The following PRKAA2 variants were observed in gnomAD, a reference collection of about 807,000 sequenced individuals.
PRKAA2 encodes protein kinase AMP-activated catalytic subunit alpha 2, also known as 5'-AMP-activated protein kinase catalytic subunit alpha-2.
A neutral mutation model predicts 56.3 loss-of-function variants in PRKAA2; 40 were observed. The observed-to-expected ratio is 0.71, with a 90% CI of 0.55 to 0.92. The LOEUF (loss-of-function observed/expected upper bound fraction) is 0.92, where lower values mean the gene tolerates loss of function less well. Ranked by LOEUF, PRKAA2 falls within the 40% of genes least tolerant of loss-of-function variation. The probability of loss-of-function intolerance (pLI) is 0.00; values close to 1 mark genes in which losing one functional copy is unlikely to be tolerated. For missense variants in PRKAA2, 542 were observed against 686.9 expected, an observed-to-expected ratio of 0.79 and a Z score of 2.36; for synonymous variants, 214 against 234.2, an observed-to-expected ratio of 0.91 and a Z score of 0.79.
intron 6 of PRKAA2, among the ~76,000 whole-genome samples, 193 bp from the exon 7 acceptor site, chr1:56,703,778 C>A (rs1267522310): frequency 6.6e-6 from 1 of 152,138 alleles, no homozygotes; most frequent in Non-Finnish European, 1.5e-5. Context: ...TGTCCAAATG[C>A]CAAGTCTTAA....
chr1:56,675,345 ATT>A (rs11358468), intron 2 of PRKAA2, among the ~76,000 whole-genome samples: 2 of 150,852 alleles, frequency 1.3e-5, no homozygotes, highest in South Asian at 2.1e-4. Context: ...TGTACCAAGC[ATT>A]TTTTTTTTGT....
intron 6 of PRKAA2, among the ~76,000 whole-genome samples, chr1:56,700,640 T>C (rs1644287823): frequency 6.6e-6 from 1 of 152,220 alleles, no homozygotes; most frequent in African/African-American, 2.4e-5. Context: ...TTTTTGTTTT[T>C]TCTTTTTTAA....
chr1:56,705,966 A>G, intron 7 of PRKAA2, 126 bp from the exon 8 acceptor site: 1 of 748,222 alleles, frequency 1.3e-6, no homozygotes, highest in Non-Finnish European at 2.1e-6. Flanking sequence ...GTGAACTACC[A>G]GTAATATAAA....
At position 56,692,477 on chromosome 1, in the gene PRKAA2, C is replaced by T. The variant is rs17848596; in HGVS notation, c.450C>T (p.His150=). 0.03 allele frequency: 48,111 copies of T among 1,613,834 alleles called. 1,635 individuals are homozygous for T. Among genetic ancestry groups the T allele is most frequent in the African/African-American group, 0.12 (8,936 of 74,944 alleles). ...CAGAGAATGTCCTGTTGGATGCACA[C>T]ATGAATGCCAAGATAGCCGATTTCG... The part of the protein sequence containing the change: ...LKPENVLLDA[H]MNAKIADFGL... Residue 150 remains histidine (H), a synonymous_variant, in exon 4 of 9, where the codon CAC becomes CAT. Coordinates refer to ENST00000371244, the MANE Select transcript of PRKAA2 (RefSeq NM_006252.4).
Position 56,702,241 on chromosome 1 carries a change from G to A in PRKAA2, c.789-1730G>A, listed in dbSNP as rs182708933. Among the ~76,000 whole-genome samples, 9 of 152,112 alleles carry A rather than the reference G, an allele frequency of 5.9e-5. No homozygotes were observed. The East Asian group carries it at 1.4e-3, about 23-fold the overall frequency. On this transcript the variant is annotated intron_variant, in intron 6 of 8. Transcript: ENST00000371244. ...TGGGATTATAGGCATGTGCCACCAC[G>A]CCCGGCTAATTTTGTATTTTTAGTA...
chr1:56,645,919 G>A (rs1042504429), intron 1 of PRKAA2, among the ~76,000 whole-genome samples: 5 of 152,174 alleles, frequency 3.3e-5, no homozygotes, highest in African/African-American at 1.2e-4. Flanking sequence ...CGTGCCGGGT[G>A]CCCTGTTAGG....
intron 1 of PRKAA2, among the ~76,000 whole-genome samples, chr1:56,651,827 T>C (rs541904026): frequency 1.5e-3 from 226 of 152,126 alleles, no homozygotes; most frequent in African/African-American, 5.3e-3. Context: ...TTCAGTGTGT[T>C]TACTGATATG....
intron 2 of PRKAA2, among the ~76,000 whole-genome samples, chr1:56,678,373 T>C (rs1404943602): frequency 6.6e-6 from 1 of 152,232 alleles, no homozygotes; most frequent in African/African-American, 2.4e-5. Flanking sequence ...CTGTCAGGAA[T>C]AGTTTCCTTA....
chr1:56,661,211 G>C (rs995287562), intron 1 of PRKAA2, among the ~76,000 whole-genome samples: 2 of 151,978 alleles, frequency 1.3e-5, no homozygotes, highest in Non-Finnish European at 2.9e-5. Context: ...CGTTTTTATT[G>C]TACTCCATAT....
chr1:56,704,045 T>C lies in PRKAA2; in HGVS notation c.863T>C (p.Ile288Thr). 1 of 1,614,068 alleles carries C rather than the reference T, an allele frequency of 6.2e-7. No homozygotes were observed. Among genetic ancestry groups the C allele is most frequent in the South Asian group, 1.1e-5 (1 of 91,090 alleles). The part of the protein sequence containing the change: ...PEDPSYDANV[I>T]DDEAVKEVCE... ...GACCCTTCCTATGATGCTAACGTCATTGATGATGAGGCTGTGAAAGAAGTG... is the reference window on the plus strand; with the variant it reads ...GACCCTTCCTATGATGCTAACGTCACTGATGATGAGGCTGTGAAAGAAGTG... Residue 288 changes from isoleucine (I) to threonine (T), a missense_variant, in exon 7 of 9, where the codon ATT (isoleucine) becomes ACT (threonine). Ile to Thr is a moderately conservative substitution (Grantham distance 89). Coordinates refer to ENST00000371244, the MANE Select transcript of PRKAA2 (RefSeq NM_006252.4).
In PRKAA2 at chr1:56,695,972, G is replaced by A. The variant is rs1349223592; in HGVS notation, c.601G>A (p.Gly201Ser). The A allele has an allele frequency of 3.7e-6, 6 of 1,611,584 alleles. No individual in the cohort carries two copies. Among genetic ancestry groups the A allele is most frequent in the Non-Finnish European group, 5.1e-6 (6 of 1,179,572 alleles). ...TCCTGAAGTTGATATCTGGAGCTGTGGTGTTATCTTGTATGCTCTTCTTTG... is the reference window on the plus strand; with the variant it reads ...TCCTGAAGTTGATATCTGGAGCTGTAGTGTTATCTTGTATGCTCTTCTTTG... ...AGPEVDIWSC[G>S]VILYALLCGT... Residue 201 changes from glycine (G) to serine (S), a missense_variant, in exon 6 of 9, where the codon GGT becomes AGT. Transcript: ENST00000371244.
intron 1 of PRKAA2, among the ~76,000 whole-genome samples, chr1:56,660,047 A>C (rs1643982060): frequency 2.0e-5 from 3 of 151,998 alleles, no homozygotes. Context: ...TCACCTTGTC[A>C]CTCTGCTTTC....
rs1008988169 is a variant in PRKAA2, at chr1:56,712,198, T to C, written c.*4485T>C. 1.3e-5 allele frequency: 2 copies of C among 152,168 alleles called. No homozygotes were observed. Among genetic ancestry groups the C allele is most frequent in the African/African-American group, 4.8e-5 (2 of 41,450 alleles). 9.4% of individuals were successfully genotyped at this position (152,168 alleles called of 1,614,324 possible). ...GGACCAGAAAGCTCTTCATAAAGCT[T>C]TAACACCATACAAGTATCCAGCAGT... On this transcript the variant is annotated 3_prime_UTR_variant, in exon 9 of 9. Coordinates refer to ENST00000371244, the MANE Select transcript of PRKAA2 (RefSeq NM_006252.4).
intron 6 of PRKAA2, among the ~76,000 whole-genome samples, chr1:56,697,012 A>ATTTTTTTTTTTTTTT (rs752842791): frequency 0.12 from 6,857 of 57,608 alleles, 1,991 homozygotes; most frequent in South Asian, 0.2. Flanking sequence ...CCAGCAAAGA[A>ATTTTTTTTTTTTTTT]TTTTTTTTTT....
rs1484934402 is a variant in PRKAA2 at position 56,704,493 on chromosome 1, A to G, written c.1293+18A>G. 25 of 1,560,266 alleles carry G rather than the reference A, an allele frequency of 1.6e-5. No homozygotes were observed. The highest frequency in any genetic ancestry group is 2.7e-5 in the African/African-American group (2 of 73,254). On this transcript the variant is annotated intron_variant, in intron 7 of 8. Coordinates refer to ENST00000371244, the MANE Select transcript of PRKAA2 (RefSeq NM_006252.4). ...AATGGAAGGTAGGAAATTATAATGTAATAAGATCATTTGTAGAAGCCATTT... is the reference window on the plus strand; with the variant it reads ...AATGGAAGGTAGGAAATTATAATGTGATAAGATCATTTGTAGAAGCCATTT...
chr1:56,660,431 T>G (rs964893511), intron 1 of PRKAA2, among the ~76,000 whole-genome samples: 1 of 152,204 alleles, frequency 6.6e-6, no homozygotes, highest in African/African-American at 2.4e-5. Context: ...TTAGTATATC[T>G]GATCCATACA....
At chr1:56,659,348 T>A (rs1643974690) in intron 1 of PRKAA2, among the ~76,000 whole-genome samples, 1 of 151,144 alleles carries the variant, frequency 6.6e-6, no homozygotes, top group Non-Finnish European at 1.5e-5. Flanking sequence ...ATACAAAAAA[T>A]GAGCTGGGCA....
At chr1:56,672,166 G>T (rs1644081915) in intron 1 of PRKAA2, among the ~76,000 whole-genome samples, 1 of 152,146 alleles carries the variant, frequency 6.6e-6, no homozygotes, top group Non-Finnish European at 1.5e-5. Context: ...CACCCAGGCT[G>T]TATTGCAGTG....
In PRKAA2 at chr1:56,714,114, G is replaced by T. The variant is rs1443687879; in HGVS notation, c.*6401G>T. ...GTTGATTGACTTTATAAGTCACCTT[G>T]GTAAACATAACATTTGGCTACCTTC... On this transcript the variant is annotated 3_prime_UTR_variant, in exon 9 of 9. Transcript: ENST00000371244. 1 of 151,880 alleles carries T rather than the reference G, an allele frequency of 6.6e-6. No homozygotes were observed. Among genetic ancestry groups the T allele is most frequent in the African/African-American group, 2.4e-5 (1 of 41,350 alleles). 9.4% of individuals were successfully genotyped at this position (151,880 alleles called of 1,614,324 possible).
Sources: allele counts gnomAD v4.1 joint callset (sites outside exome capture counted in the v4.1 genomes callset), GRCh38; gene constraint gnomAD v4.1.1; transcripts MANE v1.5; gene names NCBI Gene and HGNC (gene_info 2026-07-23, HGNC 2026-07-21).